PPARGC1A: variants seen among roughly 807,000 people sequenced by gnomAD.
PPARGC1A encodes the protein peroxisome proliferator-activated receptor gamma coactivator 1-alpha.
Under a neutral mutation model 88.7 loss-of-function variants are expected in PPARGC1A, and 25 were observed. The observed-to-expected ratio is 0.28, with a 90% CI of 0.21 to 0.39. The LOEUF (loss-of-function observed/expected upper bound fraction) is 0.39, where lower values mean the gene tolerates loss of function less well. Among genes scored for constraint, PPARGC1A ranks in the 10% least tolerant of loss-of-function variants. The pLI is 1.00. For synonymous variants in PPARGC1A, 363 were observed against 355.6 expected (o/e 1.02, Z -0.24); for missense variants, 880 against 968.7 (o/e 0.91, Z 1.22).
chr4:24,090,531 C>T, the PPARGC1A span, among the ~76,000 whole-genome samples: 113 of 152,226 alleles, frequency 7.4e-4, no homozygotes, highest in African/African-American at 2.6e-3. Context: ...TTCTGAATTA[C>T]CATTTTTATA....
the PPARGC1A span, among the ~76,000 whole-genome samples, chr4:24,410,769 C>G: frequency 4.6e-5 from 7 of 152,136 alleles, no homozygotes; most frequent in Non-Finnish European, 1.0e-4. Context: ...TTCCTGCCCT[C>G]GAACATCAGA....
At chr4:23,852,556 G>C (rs533429278) in intron 2 of PPARGC1A, among the ~76,000 whole-genome samples, 2 of 151,888 alleles carry the variant, frequency 1.3e-5, no homozygotes, top group Non-Finnish European at 2.9e-5. Context: ...TCTGATTGTC[G>C]TTTTAAAAAT....
the PPARGC1A span, among the ~76,000 whole-genome samples, chr4:24,115,810 G>A: frequency 6.6e-6 from 1 of 151,964 alleles, no homozygotes; most frequent in African/African-American, 2.4e-5. Flanking sequence ...CTTCCTCTCT[G>A]ATAAGATCAG....
the PPARGC1A span, among the ~76,000 whole-genome samples, chr4:24,261,354 C>T: frequency 6.6e-6 from 1 of 152,148 alleles, no homozygotes; most frequent in Non-Finnish European, 1.5e-5. Context: ...CTGACCTCTC[C>T]AGACCCACAC....
chr4:23,809,759 T>C (rs1373302038), intron 10 of PPARGC1A, among the ~76,000 whole-genome samples: 1 of 152,192 alleles, frequency 6.6e-6, no homozygotes, highest in African/African-American at 2.4e-5. Context: ...TGCATCTTAA[T>C]ATGGCCCAAT....
the PPARGC1A span, among the ~76,000 whole-genome samples, chr4:23,967,651 CA>C: frequency 6.6e-6 from 1 of 152,144 alleles, no homozygotes; most frequent in Non-Finnish European, 1.5e-5. Flanking sequence ...TCTGAACCTC[CA>C]AAGTCATTAT....
the PPARGC1A span, among the ~76,000 whole-genome samples, chr4:24,200,417 A>G: frequency 6.6e-6 from 1 of 152,008 alleles, no homozygotes; most frequent in African/African-American, 2.4e-5. Context: ...AGGTTGAGGC[A>G]AGAGAATCAC....
In PPARGC1A at chr4:23,833,075, A is replaced by G. The variant is rs539082915; in HGVS notation, c.235-1324T>C. On this transcript the variant is annotated intron_variant, in intron 2 of 12. Transcript: ENST00000264867. ...GGGACATCTGAAGTGTGGGAGATACAAAAAGAAACAAGACAAAATCTGTCC... is the reference window on the plus strand; with the variant it reads ...GGGACATCTGAAGTGTGGGAGATACGAAAAGAAACAAGACAAAATCTGTCC... Among the ~76,000 whole-genome samples, 15 of 152,324 alleles carry G rather than the reference A, an allele frequency of 9.8e-5. No homozygotes were observed. In the South Asian group the frequency reaches 2.7e-3, roughly 27 times the overall value.
the PPARGC1A span, among the ~76,000 whole-genome samples, chr4:24,269,330 T>G: frequency 1.3e-5 from 2 of 151,430 alleles, no homozygotes; most frequent in Non-Finnish European, 2.9e-5. Flanking sequence ...TGGGTCTTCT[T>G]GGGGAAGGAT....
the PPARGC1A span, among the ~76,000 whole-genome samples, chr4:24,145,833 A>G: frequency 6.6e-6 from 1 of 152,118 alleles, no homozygotes; most frequent in Admixed American, 6.6e-5. Flanking sequence ...TTTATACTAA[A>G]CTTCACTATA....
the PPARGC1A span, among the ~76,000 whole-genome samples, chr4:24,275,208 C>A: frequency 1.0e-5 from 1 of 96,558 alleles, no homozygotes; most frequent in East Asian, 3.5e-4. Flanking sequence ...TAAGTAGGAG[C>A]GTGCTATTTA....
At chr4:24,219,384 C>T in the PPARGC1A span, among the ~76,000 whole-genome samples, 1 of 152,100 alleles carries the variant, frequency 6.6e-6, no homozygotes, top group African/African-American at 2.4e-5. Flanking sequence ...CATTCCCGGG[C>T]CGAATCTTAC....
At chr4:24,055,357 T>C in the PPARGC1A span, among the ~76,000 whole-genome samples, 6 of 152,162 alleles carry the variant, frequency 3.9e-5, no homozygotes, top group African/African-American at 1.4e-4. Flanking sequence ...TGATGAAACA[T>C]GAAATGAACA....
the PPARGC1A span, among the ~76,000 whole-genome samples, chr4:24,149,995 G>C: frequency 5.1e-4 from 77 of 152,182 alleles, 1 homozygote; most frequent in East Asian, 0.014. Context: ...TAGGACAAAA[G>C]AGTTTTTACA....
At chr4:24,381,911 A>C in the PPARGC1A span, among the ~76,000 whole-genome samples, 3 of 152,234 alleles carry the variant, frequency 2.0e-5, no homozygotes, top group Non-Finnish European at 2.9e-5. Flanking sequence ...TGTGGTTCTC[A>C]TTGGACTACC....
At chr4:23,950,791 C>G in the PPARGC1A span, among the ~76,000 whole-genome samples, 4 of 152,106 alleles carry the variant, frequency 2.6e-5, no homozygotes, top group Non-Finnish European at 5.9e-5. Flanking sequence ...GCCCTTTAGT[C>G]TTAACAAAAA....
rs553368300 is a variant in PPARGC1A at position 23,828,612 on chromosome 4, A to G, written c.553-8T>C. 1 of 1,613,690 alleles carries G rather than the reference A, an allele frequency of 6.2e-7. No individual in the cohort carries two copies. The highest frequency in any genetic ancestry group is 1.1e-5 in the South Asian group (1 of 91,050). On this transcript the variant is annotated splice_region_variant and splice_polypyrimidine_tract_variant and intron_variant, in intron 4 of 12. Transcript: ENST00000264867. ...GCTCCATGAATTCTCAGTCTTAAAA[A>G]CAAGGCATAAAGAAAGCTAAAATTA...
the PPARGC1A span, among the ~76,000 whole-genome samples, chr4:24,076,953 C>CT: frequency 6.6e-6 from 1 of 152,042 alleles, no homozygotes; most frequent in African/African-American, 2.4e-5. Flanking sequence ...TTCTTACATA[C>CT]TTTTTTGTTT....
chr4:24,414,014 C>T, the PPARGC1A span, among the ~76,000 whole-genome samples: 1 of 152,126 alleles, frequency 6.6e-6, no homozygotes, highest in Non-Finnish European at 1.5e-5. Context: ...GACTCGAACC[C>T]ACGGTTGTCG....
Sources: gnomAD v4.1 joint callset for allele counts (sites outside exome capture counted in the v4.1 genomes callset) on GRCh38, gnomAD v4.1.1 for gene constraint, MANE v1.5 for transcripts, NCBI Gene and HGNC (gene_info 2026-07-23, HGNC 2026-07-21) for gene names.